Variants in GHR observed in about 807,000 individuals in gnomAD.
GHR encodes the protein growth hormone receptor, also known as GH receptor.
A neutral mutation model predicts 67.1 loss-of-function variants in GHR; 35 were observed. That is an observed-to-expected ratio of 0.52 (90% CI 0.40 to 0.69). GHR has a LOEUF of 0.69. Among genes scored for constraint, GHR ranks in the 30% least tolerant of loss-of-function variants. The pLI, the probability that GHR is intolerant of heterozygous loss-of-function variation, is 0.00. For synonymous variants in GHR, 272 were observed against 269.1 expected (o/e 1.01, Z -0.10); for missense variants, 792 against 764.6 (o/e 1.04, Z -0.42).
intron 1 of GHR, among the ~76,000 whole-genome samples, chr5:42,492,066 T>A: frequency 6.6e-6 from 1 of 152,196 alleles, no homozygotes; most frequent in Middle Eastern, 3.2e-3. Flanking sequence ...GGACAGATAG[T>A]TCTGGCTTTT....
At chr5:42,481,969 G>T (rs1324465587) in intron 1 of GHR, among the ~76,000 whole-genome samples, 1 of 151,764 alleles carries the variant, frequency 6.6e-6, no homozygotes, top group Non-Finnish European at 1.5e-5. Flanking sequence ...CTGATTTTTA[G>T]AGTTTCCAGT....
chr5:42,599,434 C>T (rs1469501809), intron 2 of GHR, among the ~76,000 whole-genome samples: 1 of 146,426 alleles, frequency 6.8e-6, no homozygotes, highest in African/African-American at 2.6e-5. Context: ...ACAATCTCAG[C>T]TCACTCAACC....
intron 1 of GHR, among the ~76,000 whole-genome samples, chr5:42,438,406 C>A (rs752037240): frequency 8.6e-4 from 131 of 152,188 alleles, no homozygotes; most frequent in Admixed American, 2.7e-3. Context: ...GAATTTAATT[C>A]CCCCCGTCCA....
chr5:42,513,456 A>G (rs1006074889), intron 1 of GHR, among the ~76,000 whole-genome samples: 4 of 152,148 alleles, frequency 2.6e-5, no homozygotes, highest in Non-Finnish European at 5.9e-5. Flanking sequence ...TGAAGCTTAA[A>G]TATGTCACAT....
intron 2 of GHR, chr5:42,619,930 C>A (rs1405674709): frequency 1.3e-5 from 2 of 152,158 alleles, no homozygotes; most frequent in Non-Finnish European, 2.9e-5. Flanking sequence ...GTCACTACTA[C>A]CAGTATCAGC....
chr5:42,576,566 A>G (rs1458501599), intron 2 of GHR, among the ~76,000 whole-genome samples: 1 of 152,230 alleles, frequency 6.6e-6, no homozygotes, highest in Non-Finnish European at 1.5e-5. Context: ...TGACATGTAG[A>G]ATTTTATTTA....
At chr5:42,657,922 T>C (rs1486160986) in intron 3 of GHR, among the ~76,000 whole-genome samples, 1 of 152,188 alleles carries the variant, frequency 6.6e-6, no homozygotes, top group Non-Finnish European at 1.5e-5. Flanking sequence ...TGTTTTATTT[T>C]CAGCTTATTT....
chr5:42,576,238 C>T (rs1430330019), intron 2 of GHR, among the ~76,000 whole-genome samples: 2 of 151,896 alleles, frequency 1.3e-5, no homozygotes, highest in African/African-American at 4.8e-5. Context: ...TTCTTACATT[C>T]TCTGAGCCTC....
At chr5:42,496,725 AG>A (rs1276796454) in intron 1 of GHR, among the ~76,000 whole-genome samples, 1 of 152,180 alleles carries the variant, frequency 6.6e-6, no homozygotes, top group Non-Finnish European at 1.5e-5. Flanking sequence ...TTATCCCCTT[AG>A]TTGAAACATG....
intron 2 of GHR, among the ~76,000 whole-genome samples, chr5:42,624,733 A>G (rs1401799101): frequency 6.6e-6 from 1 of 152,230 alleles, no homozygotes; most frequent in Non-Finnish European, 1.5e-5. Context: ...CAGTTATACA[A>G]ACTTACTGAA....
intron 1 of GHR, among the ~76,000 whole-genome samples, chr5:42,433,732 ATTTTTT>A (rs35539827): frequency 1.8e-4 from 14 of 77,584 alleles, no homozygotes; most frequent in Non-Finnish European, 3.3e-4. Flanking sequence ...AAGATATGGT[ATTTTTT>A]TTTTTTTTTT....
intron 4 of GHR, among the ~76,000 whole-genome samples, chr5:42,690,722 G>C (rs1338934256): frequency 6.6e-6 from 1 of 152,134 alleles, no homozygotes; most frequent in Non-Finnish European, 1.5e-5. Context: ...TGGATGAAGT[G>C]AAGTGAAGAT....
rs745476770 is a variant in GHR, at chr5:42,579,604, A to C, written c.70+13660A>C. Among the ~76,000 whole-genome samples the C allele has an allele frequency of 2.0e-5, 3 of 152,228 alleles. No individual in the cohort carries two copies. In the South Asian group the frequency reaches 6.2e-4, roughly 31 times the overall value. ...TCAGTTAACAAATCCCCATGAATGC[A>C]TGGTCATATTTGAGTGCTTCTAACA... On this transcript the variant is annotated intron_variant, in intron 2 of 9. Transcript: ENST00000230882.
intron 1 of GHR, among the ~76,000 whole-genome samples, chr5:42,487,210 C>A (rs1745923724): frequency 2.0e-5 from 3 of 152,174 alleles, no homozygotes; most frequent in Admixed American, 6.5e-5. Flanking sequence ...TTCTGATAAT[C>A]ACTTACACTT....
chr5:42,607,670 GC>G (rs2112660188), intron 2 of GHR, among the ~76,000 whole-genome samples: 1 of 152,314 alleles, frequency 6.6e-6, no homozygotes, highest in South Asian at 2.1e-4. Context: ...CAGGAAGGCT[GC>G]ATGGAAGAGA....
chr5:42,587,024 A>G (rs1751512702), intron 2 of GHR, among the ~76,000 whole-genome samples: 1 of 124,346 alleles, frequency 8.0e-6, no homozygotes, highest in Non-Finnish European at 1.7e-5. Context: ...ATACACACTG[A>G]AAAAAAAAAA....
rs1742769100 is a variant in GHR, at chr5:42,424,674, A to G, written c.-12+719A>G. On this transcript the variant is annotated intron_variant, in intron 1 of 9. Coordinates refer to ENST00000230882, the MANE Select transcript of GHR (RefSeq NM_000163.5). This position sits in a 1 kb window ranked among gnomAD's most constrained non-coding sequence, Gnocchi z 4.1. The stretch of plus-strand genomic sequence containing the variant: ...TGGTTGTAAAATCAACCAGGCTTAA[A>G]GTTTTGACAGAACTGCCAGAGGCTG... 1 of 1,343,662 alleles carries G rather than the reference A, an allele frequency of 7.4e-7. No individual in the cohort carries two copies. The highest frequency in any genetic ancestry group is 1.0e-6 in the Non-Finnish European group (1 of 971,410). 83.2% of individuals were successfully genotyped at this position (1,343,662 alleles called of 1,614,324 possible).
intron 2 of GHR, among the ~76,000 whole-genome samples, chr5:42,589,266 G>A (rs1055581322): frequency 1.3e-5 from 2 of 152,058 alleles, no homozygotes; most frequent in Non-Finnish European, 2.9e-5. Flanking sequence ...TTATTGTTCC[G>A]TTTATGCTTT....
intron 1 of GHR, among the ~76,000 whole-genome samples, chr5:42,480,236 A>T (rs899234003): frequency 2.0e-5 from 3 of 152,162 alleles, no homozygotes; most frequent in Non-Finnish European, 4.4e-5. Flanking sequence ...CTTTGATTGC[A>T]CTGTGGTCTG....
Sources: allele counts gnomAD v4.1 joint callset (sites outside exome capture counted in the v4.1 genomes callset), GRCh38; gene constraint gnomAD v4.1.1; non-coding constraint Gnocchi (gnomAD v3.1); transcripts MANE v1.5; gene names NCBI Gene and HGNC (gene_info 2026-07-23, HGNC 2026-07-21).